Variants in RASSF4 observed in about 807,000 individuals in gnomAD.
RASSF4 encodes Ras association domain family member 4, also known as ras association domain-containing protein 4.
A neutral mutation model predicts 41.1 loss-of-function variants in RASSF4; 38 were observed. That is an observed-to-expected ratio of 0.92 (90% CI 0.71 to 1.21). The LOEUF is 1.21. Ranked by LOEUF, RASSF4 falls within the 50% of genes most tolerant of loss-of-function variation. The pLI is 0.00. For missense variants in RASSF4, 414 were observed against 419.4 expected, an observed-to-expected ratio of 0.99 and a Z score of 0.11; for synonymous variants, 179 against 163.4, an observed-to-expected ratio of 1.10 and a Z score of -0.73.
intron 3 of RASSF4, chr10:44,977,667 G>A: frequency 6.2e-7 from 1 of 1,613,000 alleles, no homozygotes; most frequent in South Asian, 1.1e-5. Flanking sequence ...CTCCTTGGCA[G>A]GTCCCTCTGG....
chr10:44,983,892 C>T, intron 4 of RASSF4, 130 bp from the exon 5 acceptor site: 1 of 1,483,432 alleles, frequency 6.7e-7, no homozygotes, highest in Non-Finnish European at 9.0e-7. Flanking sequence ...GGTTTGAAAT[C>T]CAGGCCTCAC....
At chr10:44,989,782 C>A (rs565426560) in intron 8 of RASSF4, 61 bp downstream of exon 8, 2 of 1,413,844 alleles carry the variant, frequency 1.4e-6, no homozygotes, top group African/African-American at 1.4e-5. Context: ...TTCAGCAAGC[C>A]CCCTCCCCAC....
chr10:44,977,796 C>A (rs1345105389), intron 3 of RASSF4: 1 of 1,600,870 alleles, frequency 6.2e-7, no homozygotes, highest in South Asian at 1.1e-5. Flanking sequence ...AGGGACACAG[C>A]AGGGCGGCCC....
intron 1 of RASSF4, among the ~76,000 whole-genome samples, chr10:44,967,672 T>A (rs1003741327): frequency 2.6e-5 from 4 of 152,204 alleles, no homozygotes; most frequent in African/African-American, 9.7e-5. Flanking sequence ...TAGAAGCTTC[T>A]TGTATTTATT....
At chr10:44,968,372 G>A (rs909926926) in intron 1 of RASSF4, among the ~76,000 whole-genome samples, 2 of 152,194 alleles carry the variant, frequency 1.3e-5, no homozygotes, top group African/African-American at 4.8e-5. Flanking sequence ...GAAAAATGCA[G>A]CAATAAGTCC....
chr10:44,978,047 G>A, intron 3 of RASSF4: 4 of 1,592,314 alleles, frequency 2.5e-6, no homozygotes, highest in Non-Finnish European at 3.4e-6. Flanking sequence ...GGCGAGAGGA[G>A]GTGGCAACCT....
At chr10:44,982,139 C>G (rs935800899) in intron 3 of RASSF4, 3 of 282,988 alleles carry the variant, frequency 1.1e-5, no homozygotes, top group African/African-American at 7.0e-5. Flanking sequence ...GCGCAGGACC[C>G]CCTCCCAGGT....
chr10:44,963,551 C>T (rs987689422), intron 1 of RASSF4, among the ~76,000 whole-genome samples: 1 of 152,206 alleles, frequency 6.6e-6, no homozygotes, highest in African/African-American at 2.4e-5. Flanking sequence ...TTAGTCCCCC[C>T]AGGAATGCCG....
chr10:44,970,290 G>A lies in RASSF4; in HGVS notation c.62+26G>A, dbSNP rs201503618. The A allele has an allele frequency of 1.0e-4, 164 of 1,603,138 alleles. No individual in the cohort carries two copies. In the East Asian group the frequency reaches 2.7e-3, roughly 26 times the overall value. On this transcript the variant is annotated intron_variant, in intron 2 of 10. Transcript: ENST00000340258. ...GTAAGCCTTGGTGTGCAGGTTGGGC[G>A]GGGGAGTCTTCACATTTGCCATCCC... is the stretch of plus-strand genomic sequence containing the variant.
chr10:44,977,895 G>A (rs137929440), intron 3 of RASSF4: 200 of 1,612,440 alleles, frequency 1.2e-4, no homozygotes, highest in African/African-American at 1.0e-3. Context: ...TGTGCCAGTC[G>A]AGATATAGAC....
At chr10:44,981,461 G>A (rs781027661) in intron 3 of RASSF4, 2 of 152,024 alleles carry the variant, frequency 1.3e-5, no homozygotes, top group African/African-American at 2.4e-5. Context: ...TTGTTTAGAG[G>A]GTAGTTCTTA....
At chr10:44,972,376 C>T (rs188574473) in intron 3 of RASSF4, among the ~76,000 whole-genome samples, 5 of 152,362 alleles carry the variant, frequency 3.3e-5, no homozygotes, top group Admixed American at 3.3e-4. Flanking sequence ...AGTGGGTCTC[C>T]ACTCAAGGAG....
intron 1 of RASSF4, among the ~76,000 whole-genome samples, chr10:44,963,788 A>T (rs1210337961): frequency 1.3e-5 from 2 of 152,266 alleles, no homozygotes; most frequent in Non-Finnish European, 2.9e-5. Flanking sequence ...CTTCACAGAT[A>T]TGCTTAGAAC....
Position 44,991,039 on chromosome 10 carries a change from A to C in RASSF4, c.777A>C (p.Glu259Asp). The C allele has an allele frequency of 6.2e-7, 1 of 1,613,862 alleles. No individual in the cohort carries two copies. ...CEKIARIFLM[E>D]ADLGVEVPHE... ...AGATCGCCAGGATCTTCCTGATGGA[A>C]GCTGACTTGGGCGTGGAAGTCCCCC... Residue 259 changes from glutamate to aspartate, a missense_variant, in exon 9 of 11, where the codon GAA (glutamate) becomes GAC (aspartate). By Grantham distance (45) the Glu-to-Asp change is conservative. Coordinates refer to ENST00000340258, the MANE Select transcript of RASSF4 (RefSeq NM_032023.4).
rs200886791 is a variant in RASSF4, at chr10:44,991,908, G to A, written c.811G>A (p.Ala271Thr). ...DLGVEVPHEV[A>T]QYIKFEMPVL... ...AAAATGTTCTTGGATTTTCTAGGTCGCTCAGTACATTAAGTTTGAAATGCC... is the reference window on the plus strand; with the variant it reads ...AAAATGTTCTTGGATTTTCTAGGTCACTCAGTACATTAAGTTTGAAATGCC... The change falls in exon 10 of 11, where the codon GCT becomes ACT. Residue 271 changes from alanine (A) to threonine (T), a missense_variant. Coordinates refer to ENST00000340258, the MANE Select transcript of RASSF4 (RefSeq NM_032023.4). 3.1e-5 allele frequency: 50 copies of A among 1,604,398 alleles called. No individual in the cohort carries two copies. The highest frequency in any genetic ancestry group is 6.7e-5 in the East Asian group (3 of 44,832).
intron 1 of RASSF4, 59 bp downstream of exon 1, chr10:44,959,925 A>T (rs1456580262): frequency 6.6e-6 from 1 of 152,298 alleles, no homozygotes; most frequent in African/African-American, 2.4e-5. Flanking sequence ...CCTCCGACCC[A>T]GGACTGCCAC....
intron 1 of RASSF4, 94 bp from the exon 2 acceptor site, chr10:44,970,071 G>A (rs554053712): frequency 3.9e-4 from 297 of 758,018 alleles, no homozygotes; most frequent in East Asian, 1.2e-4. Flanking sequence ...TGCCAAGGCC[G>A]ACGGTGTCTG....
intron 1 of RASSF4, among the ~76,000 whole-genome samples, chr10:44,969,135 T>A (rs1011506798): frequency 3.5e-4 from 53 of 152,008 alleles, no homozygotes; most frequent in Middle Eastern, 3.4e-3. Context: ...TGTGTATGTA[T>A]GTGTGTGTGA....
intron 4 of RASSF4, chr10:44,983,730 G>T: frequency 2.5e-6 from 1 of 399,968 alleles, no homozygotes; most frequent in South Asian, 2.6e-5. Flanking sequence ...GTCTAGGAAT[G>T]CGCAGGCCCT....
Sources: gnomAD v4.1 joint callset for allele counts (sites outside exome capture counted in the v4.1 genomes callset) on GRCh38, gnomAD v4.1.1 for gene constraint, MANE v1.5 for transcripts, NCBI Gene and HGNC (gene_info 2026-07-23, HGNC 2026-07-21) for gene names.